CCDC3: variants seen among roughly 807,000 people sequenced by gnomAD.
The protein encoded by CCDC3 is coiled-coil domain containing 3, also known as coiled-coil domain-containing protein 3.
Under a neutral mutation model 21.4 loss-of-function variants are expected in CCDC3, and 24 were observed. The ratio of observed to expected loss-of-function variants is 1.12; its 90% CI spans 0.81 to 1.58. The LOEUF (loss-of-function observed/expected upper bound fraction) is 1.58, where lower values mean the gene tolerates loss of function less well. Among genes scored for constraint, CCDC3 ranks in the 40% most tolerant of loss-of-function variants. The pLI, the probability that CCDC3 is intolerant of heterozygous loss-of-function variation, is 0.00. For missense variants in CCDC3, 425 were observed against 360.9 expected (o/e 1.18, Z -1.44); for synonymous variants, 186 against 166.0 (o/e 1.12, Z -0.93).
At chr10:13,035,357 C>G (rs1836365697) in intron 5 of CCDC3, among the ~76,000 whole-genome samples, 1 of 152,052 alleles carries the variant, frequency 6.6e-6, no homozygotes, top group South Asian at 2.1e-4. Context: ...ACACATTAGA[C>G]ATTAGAGACC....
At chr10:13,086,151 C>T (rs2131451168) in intron 3 of CCDC3, among the ~76,000 whole-genome samples, 1 of 152,222 alleles carries the variant, frequency 6.6e-6, no homozygotes, top group South Asian at 2.1e-4. Flanking sequence ...CCAAGGGAAG[C>T]AGGAAAGATG....
chr10:13,068,512 A>C (rs1344878531), intron 4 of CCDC3, among the ~76,000 whole-genome samples: 1 of 152,222 alleles, frequency 6.6e-6, no homozygotes, highest in Non-Finnish European at 1.5e-5. Context: ...TAAAATGTAG[A>C]TGTCATCAAA....
chr10:13,020,684 C>T (rs1022339473), intron 5 of CCDC3, among the ~76,000 whole-genome samples: 2 of 152,028 alleles, frequency 1.3e-5, no homozygotes, highest in Non-Finnish European at 1.5e-5. Flanking sequence ...ATTGGATAAC[C>T]AGATCAGCCT....
chr10:12,956,092 C>T lies in CCDC3; in HGVS notation c.549+42246G>A, dbSNP rs1038965566. ...TGGGCTCAGGTGATCCTCCCTCCCA[C>T]CTCGGCCTCCCAAAATGCTGGGATT... On this transcript the variant is annotated intron_variant, in intron 2 of 2. Coordinates refer to ENST00000378825, the MANE Select transcript of CCDC3 (RefSeq NM_031455.4). Among the ~76,000 whole-genome samples the T allele has an allele frequency of 8.5e-5, 13 of 152,214 alleles. No individual in the cohort carries two copies. The East Asian group carries it at 1.2e-3, about 14-fold the overall frequency.
intron 2 of CCDC3, among the ~76,000 whole-genome samples, chr10:12,945,890 C>T (rs1225398626): frequency 2.6e-5 from 4 of 152,188 alleles, no homozygotes; most frequent in African/African-American, 7.2e-5. Context: ...TGATAGCTAA[C>T]ACCTTCTGCT....
At chr10:13,011,686 G>C (rs502558) in intron 5 of CCDC3, among the ~76,000 whole-genome samples, 121,790 of 152,124 alleles carry the variant, frequency 0.8, 49,786 homozygotes, top group Non-Finnish European at 0.88. Flanking sequence ...GTTCACATAA[G>C]TAGGAAAAGA....
chr10:12,915,733 G>A (rs116922112), intron 2 of CCDC3, among the ~76,000 whole-genome samples: 463 of 152,232 alleles, frequency 3.0e-3, no homozygotes, highest in Non-Finnish European at 4.9e-3. Context: ...GATCCACTAC[G>A]GTGAACTTGT....
At chr10:12,929,578 C>G (rs1024708110) in intron 2 of CCDC3, among the ~76,000 whole-genome samples, 1 of 152,124 alleles carries the variant, frequency 6.6e-6, no homozygotes. Context: ...GCTCACTCTG[C>G]CCCCCTCTGC....
chr10:12,949,189 T>C (rs1032554896), intron 2 of CCDC3, among the ~76,000 whole-genome samples: 12 of 152,124 alleles, frequency 7.9e-5, no homozygotes, highest in Admixed American at 2.6e-4. Flanking sequence ...TAGTAAAAGC[T>C]GCTAAGAGAA....
chr10:13,008,815 G>C (rs1335362600), intron 5 of CCDC3, among the ~76,000 whole-genome samples: 1 of 152,176 alleles, frequency 6.6e-6, no homozygotes, highest in Non-Finnish European at 1.5e-5. Context: ...CATCTATGCA[G>C]TCTACTGCTA....
chr10:12,916,986 T>A (rs890973642), intron 2 of CCDC3, among the ~76,000 whole-genome samples: 9 of 151,888 alleles, frequency 5.9e-5, no homozygotes, highest in African/African-American at 2.2e-4. Context: ...CCCAGTGCAA[T>A]GGTACCAGCC....
At chr10:12,933,227 C>T (rs755913441) in intron 2 of CCDC3, among the ~76,000 whole-genome samples, 4 of 152,108 alleles carry the variant, frequency 2.6e-5, no homozygotes, top group Non-Finnish European at 5.9e-5. Flanking sequence ...GGAGCTGGTA[C>T]AATTTCTTTC....
At chr10:12,992,556 G>A (rs1479377335) in intron 2 of CCDC3, among the ~76,000 whole-genome samples, 1 of 152,032 alleles carries the variant, frequency 6.6e-6, no homozygotes. Flanking sequence ...ACTCAGGAAT[G>A]GAAAATCAAA....
At chr10:12,925,145 C>A (rs1834514710) in intron 2 of CCDC3, among the ~76,000 whole-genome samples, 2 of 152,096 alleles carry the variant, frequency 1.3e-5, no homozygotes, top group Admixed American at 6.5e-5. Context: ...TCCAGGAGAG[C>A]CCAACTGGGG....
intron 5 of CCDC3, among the ~76,000 whole-genome samples, chr10:13,032,439 G>A (rs557223731): frequency 6.6e-6 from 1 of 152,276 alleles, no homozygotes; most frequent in South Asian, 2.1e-4. Flanking sequence ...ATAAGACAGG[G>A]ATGCCCTCTC....
chr10:13,080,114 C>T (rs1261000251), intron 3 of CCDC3, among the ~76,000 whole-genome samples: 1 of 152,134 alleles, frequency 6.6e-6, no homozygotes, highest in African/African-American at 2.4e-5. Flanking sequence ...CGATGGCAGC[C>T]CTGGGCCCAG....
At chr10:13,030,320 T>C (rs559716038) in intron 5 of CCDC3, among the ~76,000 whole-genome samples, 4 of 152,174 alleles carry the variant, frequency 2.6e-5, no homozygotes, top group East Asian at 3.9e-4. Context: ...CAGGCCTGCC[T>C]TACAAGAGCT....
At chr10:13,084,523 G>A (rs1488299155) in intron 3 of CCDC3, among the ~76,000 whole-genome samples, 1 of 152,078 alleles carries the variant, frequency 6.6e-6, no homozygotes, top group Non-Finnish European at 1.5e-5. Context: ...CTGACCTTAG[G>A]TGATCCACTC....
At chr10:12,952,239 C>T (rs1486677703) in intron 2 of CCDC3, among the ~76,000 whole-genome samples, 1 of 152,160 alleles carries the variant, frequency 6.6e-6, no homozygotes, top group Non-Finnish European at 1.5e-5. Context: ...GTTCACTGCT[C>T]CATCCTCAGT....
Sources: gnomAD v4.1 joint callset for allele counts (sites outside exome capture counted in the v4.1 genomes callset) on GRCh38, gnomAD v4.1.1 for gene constraint, MANE v1.5 for transcripts, NCBI Gene and HGNC (gene_info 2026-07-23, HGNC 2026-07-21) for gene names.